The following ATP11C variants were observed in gnomAD, a reference collection of about 807,000 sequenced individuals.
The protein encoded by ATP11C is phospholipid-transporting ATPase IG.
In ATP11C, 36 loss-of-function variants were observed where a neutral mutation model predicts 97.4. The ratio of observed to expected loss-of-function variants is 0.37; its 90% CI spans 0.28 to 0.49. The LOEUF (loss-of-function observed/expected upper bound fraction) is 0.49. ATP11C is among the 20% of genes least tolerant of loss of function. ATP11C has a pLI of 0.98. For missense variants in ATP11C, 730 were observed against 824.6 expected (o/e 0.89, Z 1.40); for synonymous variants, 275 against 290.9 (o/e 0.95, Z 0.56).
At chrX:139,787,079 T>C (rs767958214) in intron 15 of ATP11C, 94 bp downstream of exon 15, 1 of 1,146,324 alleles carries the variant, frequency 8.7e-7, no homozygotes, top group Non-Finnish European at 1.2e-6. Flanking sequence ...CCTGTATTTT[T>C]AGTGGCATCA....
chrX:139,900,982 G>C (rs1436460247), intron 1 of ATP11C, among the ~76,000 whole-genome samples: 2 of 111,919 alleles, frequency 1.8e-5, no homozygotes, highest in Admixed American at 1.9e-4. Flanking sequence ...ACACCATCCT[G>C]TTTGGAAGGC....
chrX:139,740,976 T>C lies in ATP11C; in HGVS notation c.3134+15A>G, dbSNP rs183502243. On this transcript the variant is annotated intron_variant, in intron 27 of 29. Transcript: ENST00000682941. ...TTGCTATTTACATATTGCTCACACA[T>C]GTACAATTGCTTACCAAATAATTCC... The C allele has an allele frequency of 6.2e-5, 66 of 1,069,697 alleles. No homozygotes were observed. Among genetic ancestry groups the C allele is most frequent in the South Asian group, 3.2e-4 (17 of 53,444 alleles). The allele number at this position is 1,069,697 out of a possible 1,213,427, so 88.2% of individuals were successfully genotyped here.
chrX:139,884,906 T>C (rs912029020), intron 1 of ATP11C, among the ~76,000 whole-genome samples: 5 of 112,051 alleles, frequency 4.5e-5, no homozygotes, highest in African/African-American at 1.6e-4. Flanking sequence ...GCACATTCTA[T>C]GTGAGACATT....
intron 1 of ATP11C, among the ~76,000 whole-genome samples, chrX:139,852,154 G>GA (rs201691789): frequency 0.057 from 6,258 of 108,950 alleles, 437 homozygotes; most frequent in African/African-American, 0.2. Flanking sequence ...AAAGAAAAAA[G>GA]AAAAAAAACC....
At chrX:139,798,568 T>A in intron 9 of ATP11C, 111 bp downstream of exon 9, 1 of 625,833 alleles carries the variant, frequency 1.6e-6, no homozygotes, top group Non-Finnish European at 2.5e-6. Flanking sequence ...CACCTAAATG[T>A]AGGTTTAAAT....
chrX:139,884,272 T>A (rs956946494), intron 1 of ATP11C, among the ~76,000 whole-genome samples: 1 of 111,519 alleles, frequency 9.0e-6, no homozygotes, highest in Non-Finnish European at 1.9e-5. Flanking sequence ...TGGGCCCTGC[T>A]TGTAAGACCC....
chrX:139,871,851 A>G (rs1021564590), intron 1 of ATP11C, among the ~76,000 whole-genome samples: 2 of 111,473 alleles, frequency 1.8e-5, no homozygotes, highest in African/African-American at 3.3e-5. Context: ...TTTTAACCAC[A>G]TATAATACTT....
At chrX:139,783,035 TA>T (rs369627866) in intron 17 of ATP11C, 128 bp downstream of exon 17, 1 of 498,461 alleles carries the variant, frequency 2.0e-6, no homozygotes, top group African/African-American at 2.4e-5. Flanking sequence ...AATCCCCAAA[TA>T]CAAAACATAG....
chrX:139,873,771 TA>T (rs57477180), intron 1 of ATP11C, among the ~76,000 whole-genome samples: 337 of 98,936 alleles, frequency 3.4e-3, no homozygotes, highest in African/African-American at 0.011. Flanking sequence ...TACTACAATT[TA>T]AAAAAAAAAA....
chrX:139,879,457 T>C (rs1489652719), intron 1 of ATP11C, among the ~76,000 whole-genome samples: 2 of 111,272 alleles, frequency 1.8e-5, no homozygotes, highest in Non-Finnish European at 3.8e-5. Context: ...CTCACTTATA[T>C]GTGGAATCCT....
intron 19 of ATP11C, among the ~76,000 whole-genome samples, chrX:139,770,170 A>AT (rs200615737): frequency 0.074 from 8,234 of 111,783 alleles, 298 homozygotes; most frequent in Admixed American, 0.17. Context: ...AGCACACTAT[A>AT]TAGAGAAATA....
chrX:139,810,353 G>A (rs1204932744), intron 5 of ATP11C, among the ~76,000 whole-genome samples: 2 of 111,695 alleles, frequency 1.8e-5, no homozygotes, highest in Admixed American at 9.5e-5. Context: ...TACTTGGGAG[G>A]CTGAGGCAGG....
chrX:139,729,029 T>C, intron 29 of ATP11C, 67 bp from the exon 30 acceptor site: 1 of 878,115 alleles, frequency 1.1e-6, no homozygotes, highest in Non-Finnish European at 1.6e-6. Flanking sequence ...CTGTTAAGCA[T>C]TTTCAGAAAT....
At chrX:139,787,291 T>G (rs998897145) in intron 14 of ATP11C, 47 bp from the exon 15 acceptor site, 2 of 1,031,219 alleles carry the variant, frequency 1.9e-6, no homozygotes, top group Admixed American at 3.0e-5. Flanking sequence ...AAAGAATGAT[T>G]AATTTTTTTA....
At chrX:139,813,477 A>G (rs187686701) in intron 5 of ATP11C, among the ~76,000 whole-genome samples, 11 of 112,566 alleles carry the variant, frequency 9.8e-5, no homozygotes, top group African/African-American at 3.5e-4. Flanking sequence ...ACAAATGTTT[A>G]TAGCAGTTTT....
intron 1 of ATP11C, among the ~76,000 whole-genome samples, chrX:139,918,961 C>T (rs1291887975): frequency 9.0e-6 from 1 of 111,668 alleles, no homozygotes; most frequent in African/African-American, 3.3e-5. Flanking sequence ...TAGTTATTGG[C>T]CGGGTGCTGT....
At chrX:139,823,774 C>T (rs901264556) in intron 2 of ATP11C, among the ~76,000 whole-genome samples, 8 of 111,574 alleles carry the variant, frequency 7.2e-5, no homozygotes, top group Non-Finnish European at 1.3e-4. Flanking sequence ...TAACTGATGA[C>T]GAAGACAAAA....
chrX:139,835,434 C>T (rs185298392), intron 1 of ATP11C, among the ~76,000 whole-genome samples: 79 of 110,525 alleles, frequency 7.1e-4, no homozygotes, highest in African/African-American at 2.3e-3. Flanking sequence ...CACGGAGTTT[C>T]GCTCTTGTCA....
chrX:139,923,474 G>A (rs1462892452), intron 1 of ATP11C, among the ~76,000 whole-genome samples: 3 of 111,930 alleles, frequency 2.7e-5, no homozygotes, highest in African/African-American at 9.8e-5. Flanking sequence ...CTACTGGTGA[G>A]CAGGGCTGTA....
Sources: allele counts gnomAD v4.1 joint callset (sites outside exome capture counted in the v4.1 genomes callset), GRCh38; gene constraint gnomAD v4.1.1; transcripts MANE v1.5; gene names NCBI Gene and HGNC (gene_info 2026-07-23, HGNC 2026-07-21).